Variants in PCDHGA1 observed in about 807,000 individuals in gnomAD.
The protein encoded by PCDHGA1 is protocadherin gamma subfamily A, 1.
Under a neutral mutation model 58.0 loss-of-function variants are expected in PCDHGA1, and 32 were observed. The observed-to-expected ratio is 0.55, with a 90% CI of 0.42 to 0.74. The LOEUF (loss-of-function observed/expected upper bound fraction) is 0.74. Among genes scored for constraint, PCDHGA1 ranks in the 30% least tolerant of loss-of-function variants. The pLI, the probability that PCDHGA1 is intolerant of heterozygous loss-of-function variation, is 0.00. For synonymous variants in PCDHGA1, 498 were observed against 501.1 expected (o/e 0.99, Z 0.08); for missense variants, 1,205 against 1,182.3 (o/e 1.02, Z -0.28).
In PCDHGA1 at chr5:141,414,957, G is replaced by C. The variant is rs550492051; in HGVS notation, c.2422-79850G>C. 9.2e-5 allele frequency: 148 copies of C among 1,614,018 alleles called. No homozygotes were observed. Among genetic ancestry groups the C allele is most frequent in the Non-Finnish European group, 1.2e-4 (144 of 1,180,044 alleles). ...CAGAGCCCGGCTACCTGGTGACCAA[G>C]GTGGTGGCGGTGGACAGAGACTCCG... is the stretch of plus-strand genomic sequence containing the variant. On this transcript the variant is annotated intron_variant, in intron 1 of 3. Coordinates refer to ENST00000517417, the MANE Select transcript of PCDHGA1 (RefSeq NM_018912.3).
intron 1 of PCDHGA1, chr5:141,338,920 A>G (rs1054782671): frequency 6.6e-7 from 1 of 1,512,518 alleles, no homozygotes; most frequent in South Asian, 1.3e-5. Context: ...AAAGATTGGA[A>G]TCCGCACTGG....
chr5:141,492,948 CA>C (rs2099745260), intron 1 of PCDHGA1, among the ~76,000 whole-genome samples: 1 of 152,188 alleles, frequency 6.6e-6, no homozygotes, highest in Non-Finnish European at 1.5e-5. Flanking sequence ...TGGAGGTGAC[CA>C]AACTATCTGA....
chr5:141,418,284 T>A (rs766608852), intron 1 of PCDHGA1: 19 of 1,613,826 alleles, frequency 1.2e-5, no homozygotes, highest in Non-Finnish European at 1.4e-5. Flanking sequence ...AACTTAGAAA[T>A]CAGTGAATCC....
rs557968224 is a variant in PCDHGA1, at chr5:141,360,941, G to A, written c.2421+27836G>A. On this transcript the variant is annotated intron_variant, in intron 1 of 3. Coordinates refer to ENST00000517417, the MANE Select transcript of PCDHGA1 (RefSeq NM_018912.3). ...GTGCTTCAAGTGACAGCCACCGACC[G>A]GGATGAAGGCATAAACGCAGAGATC... The A allele has an allele frequency of 2.5e-6, 4 of 1,613,946 alleles. No homozygotes were observed. The South Asian group carries it at 3.3e-5, about 13-fold the overall frequency.
intron 2 of PCDHGA1, among the ~76,000 whole-genome samples, chr5:141,501,286 C>T (rs2099806802): frequency 8.9e-6 from 1 of 112,422 alleles, no homozygotes; most frequent in African/African-American, 3.5e-5. Context: ...GGGATATTCC[C>T]TTATACACAC....
chr5:141,330,745 G>C lies in PCDHGA1; in HGVS notation c.61G>C (p.Glu21Gln), dbSNP rs141990511. Residue 21 changes from glutamate to glutamine, a missense_variant, in exon 1 of 4, where the codon GAG becomes CAG. Coordinates refer to ENST00000517417, the MANE Select transcript of PCDHGA1 (RefSeq NM_018912.3). ...GCTGATGCTTCTGTGTCTTTCTCTG[G>C]AGCTGCTGTTGGAAGCTGGGGCTGG... ...SRLMLLCLSL[E>Q]LLLEAGAGNI... is the part of the protein sequence containing the mutation. 9.9e-6 allele frequency: 16 copies of C among 1,614,116 alleles called. No individual in the cohort carries two copies. The African/African-American group carries it at 1.9e-4, about 19-fold the overall frequency.
rs370582023 is a variant in PCDHGA1 at position 141,372,189 on chromosome 5, G to A, written c.2421+39084G>A. ...GGTGGTGGCGGTGGACGCAGACTCG[G>A]GATACAACGCCTGGCTGTCCTACCA... On this transcript the variant is annotated intron_variant, in intron 1 of 3. Transcript: ENST00000517417. 3.7e-6 allele frequency: 6 copies of A among 1,613,500 alleles called. No homozygotes were observed. The African/African-American group carries it at 4.0e-5, about 11-fold the overall frequency.
At chr5:141,403,106 C>A (rs1311418325) in intron 1 of PCDHGA1, 1 of 1,614,066 alleles carries the variant, frequency 6.2e-7, no homozygotes. Context: ...CTCCAAGGAC[C>A]TGGCTCTGGA....
Position 141,485,943 on chromosome 5 carries a change from C to CG in PCDHGA1, c.2422-8861dup, listed in dbSNP as rs1562109052. ...ATTAGTGTGTTGGAGAGCGCACCAG[C>CG]GGGCATGGTGCTCATCCAGCTCAAT... On this transcript the variant is annotated intron_variant, in intron 1 of 3. Coordinates refer to ENST00000517417, the MANE Select transcript of PCDHGA1 (RefSeq NM_018912.3). The surrounding 1 kb of genome is among the most constrained non-coding windows in gnomAD (Gnocchi z 5.7). The CG allele has an allele frequency of 1.2e-6, 2 of 1,614,126 alleles. No individual in the cohort carries two copies. Among genetic ancestry groups the CG allele is most frequent in the Non-Finnish European group, 1.7e-6 (2 of 1,180,012 alleles).
chr5:141,355,256 T>C, intron 1 of PCDHGA1: 1 of 1,613,468 alleles, frequency 6.2e-7, no homozygotes, highest in East Asian at 2.2e-5. Context: ...ATCTGCCTTC[T>C]CCTGGGGGTT....
chr5:141,350,061 T>C (rs1042442430), intron 1 of PCDHGA1: 2 of 411,676 alleles, frequency 4.9e-6, no homozygotes, highest in Non-Finnish European at 4.2e-6. Context: ...CAAAAGGAAG[T>C]GAAGGCTTCT....
At chr5:141,428,145 A>T (rs748256830) in intron 1 of PCDHGA1, 11 of 1,592,456 alleles carry the variant, frequency 6.9e-6, no homozygotes, top group Non-Finnish European at 8.6e-7. Flanking sequence ...GGGGCTGCAC[A>T]CGGGAACCTG....
chr5:141,496,511 C>T (rs1161285563), intron 2 of PCDHGA1, among the ~76,000 whole-genome samples: 1 of 152,182 alleles, frequency 6.6e-6, no homozygotes, highest in Non-Finnish European at 1.5e-5. Flanking sequence ...CACAAGGACC[C>T]AGGAGCCCTT....
At chr5:141,424,832 A>G (rs2096843522) in intron 1 of PCDHGA1, among the ~76,000 whole-genome samples, 1 of 152,174 alleles carries the variant, frequency 6.6e-6, no homozygotes. Context: ...TGCCTGACAT[A>G]CATGTTATCT....
chr5:141,435,940 G>A (rs2097787697), intron 1 of PCDHGA1, among the ~76,000 whole-genome samples: 1 of 152,066 alleles, frequency 6.6e-6, no homozygotes, highest in Admixed American at 6.5e-5. Flanking sequence ...CTGCTTCTGA[G>A]ACCAAAAAAG....
At chr5:141,436,778 G>A (rs2097846346) in intron 1 of PCDHGA1, among the ~76,000 whole-genome samples, 1 of 152,154 alleles carries the variant, frequency 6.6e-6, no homozygotes, top group African/African-American at 2.4e-5. Flanking sequence ...ATTTGTGGAT[G>A]GAAATAAAAC....
intron 1 of PCDHGA1, chr5:141,404,496 A>G (rs773471878): frequency 2.7e-5 from 43 of 1,613,778 alleles, no homozygotes; most frequent in East Asian, 2.2e-5. Context: ...GGTGTGCTGT[A>G]TGCTCTGTGC....
rs550738928 is a variant in PCDHGA1 at position 141,352,537 on chromosome 5, A to G, written c.2421+19432A>G. On this transcript the variant is annotated intron_variant, in intron 1 of 3. Transcript: ENST00000517417. ...GTATTGCCTCTCATTCTGCAAAGAC[A>G]GAGTTTAATTCTCTCAACCTGACAC... 1.0e-4 allele frequency: 161 copies of G among 1,613,994 alleles called. No homozygotes were observed. In the African/African-American group the frequency reaches 1.9e-3, roughly 19 times the overall value.
rs1248410660 is a variant in PCDHGA1, at chr5:141,394,098, A to G, written c.2421+60993A>G. On this transcript the variant is annotated intron_variant, in intron 1 of 3. Transcript: ENST00000517417. The stretch of plus-strand genomic sequence containing the variant: ...CACAGTGATGGCCTCAGATCTAGGA[A>G]CACCACCTCTGTCCACTGAAACTCA... 2.5e-6 allele frequency: 4 copies of G among 1,613,854 alleles called. No individual in the cohort carries two copies. In the East Asian group the frequency reaches 8.9e-5, roughly 36 times the overall value.
Sources: allele counts gnomAD v4.1 joint callset (sites outside exome capture counted in the v4.1 genomes callset), GRCh38; gene constraint gnomAD v4.1.1; non-coding constraint Gnocchi (gnomAD v3.1); transcripts MANE v1.5; gene names NCBI Gene and HGNC (gene_info 2026-07-23, HGNC 2026-07-21).